Variants in SPAG16 observed in about 807,000 individuals in gnomAD.
The protein encoded by SPAG16 is sperm associated antigen 16, also known as sperm-associated antigen 16 protein.
A neutral mutation model predicts 80.4 loss-of-function variants in SPAG16; 86 were observed. That is an observed-to-expected ratio of 1.07 (90% CI 0.90 to 1.28). SPAG16 has a LOEUF of 1.28. Ranked by LOEUF, SPAG16 falls within the 50% of genes most tolerant of loss-of-function variation. The probability of loss-of-function intolerance (pLI) is 0.00; values close to 1 mark genes in which losing one functional copy is unlikely to be tolerated. For synonymous variants in SPAG16, 294 were observed against 265.9 expected (o/e 1.11, Z -1.03); for missense variants, 870 against 765.3 (o/e 1.14, Z -1.61).
chr2:213,372,284 A>T (rs1283866888), intron 8 of SPAG16, among the ~76,000 whole-genome samples: 2 of 152,076 alleles, frequency 1.3e-5, no homozygotes, highest in African/African-American at 4.8e-5. Flanking sequence ...GCATTTTAGT[A>T]TATCTTATAA....
At chr2:213,888,317 CA>C (rs765568968) in intron 11 of SPAG16, among the ~76,000 whole-genome samples, 1 of 151,738 alleles carries the variant, frequency 6.6e-6, no homozygotes, top group Non-Finnish European at 1.5e-5. Flanking sequence ...TAAGTTAGAG[CA>C]TTCAGAGATT....
At chr2:214,376,813 G>A (rs180780988) in intron 15 of SPAG16, among the ~76,000 whole-genome samples, 64 of 152,290 alleles carry the variant, frequency 4.2e-4, no homozygotes, top group African/African-American at 1.3e-3. Flanking sequence ...TTCTGTAAAT[G>A]TTGAGTAAAT....
chr2:213,747,621 C>A (rs913030120), intron 10 of SPAG16, among the ~76,000 whole-genome samples: 1 of 152,156 alleles, frequency 6.6e-6, no homozygotes, highest in Non-Finnish European at 1.5e-5. Flanking sequence ...CTACAATATT[C>A]GGTATGGTAA....
chr2:213,351,419 G>A (rs550575691), intron 7 of SPAG16, among the ~76,000 whole-genome samples: 9 of 152,098 alleles, frequency 5.9e-5, no homozygotes, highest in Non-Finnish European at 1.0e-4. Context: ...CTCCCTCATA[G>A]GTACTGACTC....
At chr2:214,098,066 G>GT (rs1212531460) in intron 13 of SPAG16, among the ~76,000 whole-genome samples, 1 of 151,980 alleles carries the variant, frequency 6.6e-6, no homozygotes, top group Non-Finnish European at 1.5e-5. Flanking sequence ...TTATATGCTT[G>GT]TATGATATCC....
chr2:213,784,626 T>TA lies in SPAG16; in HGVS notation c.1071-77832dup, dbSNP rs71063777. ...AAAATAAATGCACAGCAATTATTTC[T>TA]AAAAAAAAAAAAAAAAAAAAAAAAA... On this transcript the variant is annotated intron_variant, in intron 10 of 15. Transcript: ENST00000331683. Among the ~76,000 whole-genome samples, 144 of 47,934 alleles carry TA rather than the reference T, an allele frequency of 3.0e-3. 10 individuals are homozygous for TA. The highest frequency in any genetic ancestry group is 5.7e-3 in the African/African-American group (82 of 14,284). The allele number at this position is 47,934 out of a possible 152,430, so 31.4% of individuals were successfully genotyped here.
chr2:213,400,848 C>G (rs1222188927), intron 9 of SPAG16, among the ~76,000 whole-genome samples: 3 of 151,968 alleles, frequency 2.0e-5, no homozygotes, highest in African/African-American at 7.3e-5. Flanking sequence ...ACTCTGTCAC[C>G]CAGGCTAGAG....
intron 11 of SPAG16, among the ~76,000 whole-genome samples, chr2:213,890,575 A>G (rs990403002): frequency 1.8e-5 from 2 of 111,314 alleles, no homozygotes; most frequent in Non-Finnish European, 4.3e-5. Flanking sequence ...ATAAAGAGCA[A>G]TAATTAAAGA....
intron 14 of SPAG16, among the ~76,000 whole-genome samples, chr2:214,120,345 A>C (rs752684155): frequency 1.3e-5 from 2 of 151,696 alleles, no homozygotes; most frequent in Non-Finnish European, 2.9e-5. Context: ...TACATTTCTT[A>C]TAGAAATGTA....
intron 12 of SPAG16, among the ~76,000 whole-genome samples, chr2:214,012,281 T>A (rs2047330280): frequency 1.7e-5 from 1 of 59,312 alleles, no homozygotes; most frequent in Non-Finnish European, 3.1e-5. Flanking sequence ...TATATATATA[T>A]ATATATATTT....
chr2:214,317,160 C>T (rs917317112), intron 15 of SPAG16, among the ~76,000 whole-genome samples: 3 of 152,146 alleles, frequency 2.0e-5, no homozygotes, highest in Non-Finnish European at 4.4e-5. Context: ...CAGGTATCAA[C>T]TCCTGATTTC....
chr2:213,665,306 G>A (rs2063561757), intron 10 of SPAG16, among the ~76,000 whole-genome samples: 1 of 152,006 alleles, frequency 6.6e-6, no homozygotes, highest in African/African-American at 2.4e-5. Context: ...AGCTTACCCA[G>A]GTACTTAATA....
At chr2:213,522,322 T>C (rs2075708653) in intron 10 of SPAG16, among the ~76,000 whole-genome samples, 1 of 152,240 alleles carries the variant, frequency 6.6e-6, no homozygotes, top group Admixed American at 6.5e-5. Context: ...TGAGACAATA[T>C]ATTTTAAGTA....
intron 10 of SPAG16, among the ~76,000 whole-genome samples, chr2:213,583,351 T>A (rs2060357615): frequency 1.3e-5 from 2 of 152,218 alleles, no homozygotes; most frequent in Admixed American, 1.3e-4. Flanking sequence ...ATTTTCTCAA[T>A]TTTTTGACAT....
Position 213,324,557 on chromosome 2 carries a change from A to G in SPAG16, c.536+7201A>G, listed in dbSNP as rs570004824. Among the ~76,000 whole-genome samples the G allele has an allele frequency of 2.6e-5, 4 of 152,244 alleles. No individual in the cohort carries two copies. The South Asian group carries it at 8.3e-4, about 32-fold the overall frequency. ...CTTATACTCAGCATAAAGTCTGTAC[A>G]ATGTATTATTTTTGCCTGTATCAGT... is the stretch of plus-strand genomic sequence containing the variant. On this transcript the variant is annotated intron_variant, in intron 5 of 15. Coordinates refer to ENST00000331683, the MANE Select transcript of SPAG16 (RefSeq NM_024532.5).
chr2:213,881,506 T>A (rs2076343381), intron 11 of SPAG16, among the ~76,000 whole-genome samples: 1 of 152,292 alleles, frequency 6.6e-6, no homozygotes, highest in South Asian at 2.1e-4. Context: ...GGGTAATTTA[T>A]AAAGGAAAGA....
chr2:213,434,220 A>G (rs2070486326), intron 9 of SPAG16, among the ~76,000 whole-genome samples: 1 of 152,088 alleles, frequency 6.6e-6, no homozygotes, highest in African/African-American at 2.4e-5. Flanking sequence ...TCACCCAGCC[A>G]GGACACTGTT....
chr2:213,995,665 G>A (rs1161725177), intron 12 of SPAG16, among the ~76,000 whole-genome samples: 4 of 152,140 alleles, frequency 2.6e-5, no homozygotes, highest in Non-Finnish European at 5.9e-5. Context: ...TTCTACATTA[G>A]TCATCAGGAG....
intron 10 of SPAG16, among the ~76,000 whole-genome samples, chr2:213,528,641 C>T (rs2075968427): frequency 6.6e-6 from 1 of 152,116 alleles, no homozygotes; most frequent in African/African-American, 2.4e-5. Flanking sequence ...TCTTTGACAG[C>T]CTGAGCAAGC....
Sources: gnomAD v4.1 joint callset for allele counts (sites outside exome capture counted in the v4.1 genomes callset) on GRCh38, gnomAD v4.1.1 for gene constraint, MANE v1.5 for transcripts, NCBI Gene and HGNC (gene_info 2026-07-23, HGNC 2026-07-21) for gene names.